DIAPH3: variants seen among roughly 807,000 people sequenced by gnomAD.
DIAPH3 encodes protein diaphanous homolog 3.
Under a neutral mutation model 144.3 loss-of-function variants are expected in DIAPH3, and 117 were observed. The observed-to-expected ratio is 0.81, with a 90% CI of 0.70 to 0.95. The LOEUF is 0.95. Ranked by LOEUF, DIAPH3 falls within the 40% of genes least tolerant of loss-of-function variation. The pLI is 0.00. For missense variants in DIAPH3, 1,421 were observed against 1,412.7 expected (o/e 1.01, Z -0.09); for synonymous variants, 519 against 488.9 (o/e 1.06, Z -0.81).
chr13:60,131,175 T>C (rs2059127724), intron 2 of DIAPH3, among the ~76,000 whole-genome samples: 1 of 151,930 alleles, frequency 6.6e-6, no homozygotes, highest in Admixed American at 6.6e-5. Flanking sequence ...ACATCTACAA[T>C]CCCAAAACTT....
intron 13 of DIAPH3, among the ~76,000 whole-genome samples, chr13:59,983,110 TACA>T (rs1371908344): frequency 1.7e-5 from 2 of 120,630 alleles, no homozygotes; most frequent in African/African-American, 6.6e-5. Context: ...ACTCAAATGT[TACA>T]ACACTAAATA....
intron 27 of DIAPH3, among the ~76,000 whole-genome samples, chr13:59,742,632 A>C (rs568815529): frequency 6.6e-6 from 1 of 151,940 alleles, no homozygotes; most frequent in South Asian, 2.1e-4. Flanking sequence ...AAAAAAGAGA[A>C]AGGAAAGAAG....
chr13:59,886,251 T>G (rs2045441986), intron 20 of DIAPH3, among the ~76,000 whole-genome samples: 1 of 149,892 alleles, frequency 6.7e-6, no homozygotes, highest in African/African-American at 2.4e-5. Context: ...GTCCCTAAGA[T>G]GTATAGACTT....
At chr13:59,759,317 A>G (rs1453309543) in intron 27 of DIAPH3, among the ~76,000 whole-genome samples, 2 of 152,156 alleles carry the variant, frequency 1.3e-5, no homozygotes, top group Admixed American at 6.5e-5. Flanking sequence ...CACAGAAACT[A>G]CCACAAGGAG....
intron 1 of DIAPH3, among the ~76,000 whole-genome samples, chr13:60,148,906 C>A (rs1235459516): frequency 2.0e-5 from 3 of 152,198 alleles, no homozygotes; most frequent in Non-Finnish European, 4.4e-5. Context: ...CCATACCAGA[C>A]TGAATATAAA....
intron 27 of DIAPH3, among the ~76,000 whole-genome samples, chr13:59,721,944 G>T (rs1341512846): frequency 1.3e-5 from 2 of 152,296 alleles, no homozygotes; most frequent in African/African-American, 2.4e-5. Flanking sequence ...GAGTGGTACT[G>T]GCTGCTTGTG....
At chr13:59,899,089 C>G (rs925742706) in intron 20 of DIAPH3, among the ~76,000 whole-genome samples, 1 of 152,172 alleles carries the variant, frequency 6.6e-6, no homozygotes, top group African/African-American at 2.4e-5. Context: ...GACTCTTGGA[C>G]TGCACCAGAG....
chr13:59,899,483 C>G (rs941469718), intron 20 of DIAPH3, among the ~76,000 whole-genome samples: 2 of 152,124 alleles, frequency 1.3e-5, no homozygotes, highest in Non-Finnish European at 2.9e-5. Flanking sequence ...GTGAGAAATT[C>G]TCAAGAATGT....
chr13:60,009,555 C>T (rs2053110904), intron 8 of DIAPH3, among the ~76,000 whole-genome samples: 1 of 152,212 alleles, frequency 6.6e-6, no homozygotes, highest in Non-Finnish European at 1.5e-5. Flanking sequence ...TAGATTTGTA[C>T]ACCAACATTT....
intron 4 of DIAPH3, among the ~76,000 whole-genome samples, chr13:60,051,836 GA>G: frequency 6.6e-6 from 1 of 152,248 alleles, no homozygotes; most frequent in African/African-American, 2.4e-5. Flanking sequence ...CATTCTCAGT[GA>G]AAAAAGCAGC....
intron 3 of DIAPH3, among the ~76,000 whole-genome samples, chr13:60,094,307 T>C (rs939366101): frequency 3.9e-5 from 6 of 152,190 alleles, no homozygotes; most frequent in Non-Finnish European, 8.8e-5. Flanking sequence ...GTTGTACTTA[T>C]AAAAACAGCT....
At chr13:59,871,696 CAT>C (rs1385930624) in intron 21 of DIAPH3, among the ~76,000 whole-genome samples, 4 of 152,256 alleles carry the variant, frequency 2.6e-5, no homozygotes, top group East Asian at 1.9e-4. Context: ...TTCTTCCTTA[CAT>C]GTTTGATAGA....
At chr13:59,995,434 C>G (rs2086347048) in intron 9 of DIAPH3, among the ~76,000 whole-genome samples, 1 of 152,022 alleles carries the variant, frequency 6.6e-6, no homozygotes. Context: ...CTTCCATCTT[C>G]TTGAGAGCAT....
At chr13:59,727,660 T>C (rs1179093557) in intron 27 of DIAPH3, among the ~76,000 whole-genome samples, 1 of 152,116 alleles carries the variant, frequency 6.6e-6, no homozygotes, top group East Asian at 1.9e-4. Context: ...CTATCTAGAG[T>C]AGGAGCTATA....
chr13:59,815,549 T>C (rs2139593909), intron 24 of DIAPH3, among the ~76,000 whole-genome samples: 1 of 152,260 alleles, frequency 6.6e-6, no homozygotes, highest in East Asian at 1.9e-4. Context: ...CTCTATACAT[T>C]TCTTTTGCTA....
chr13:60,120,280 G>A (rs2058813786), intron 2 of DIAPH3, among the ~76,000 whole-genome samples: 1 of 152,184 alleles, frequency 6.6e-6, no homozygotes, highest in Admixed American at 6.5e-5. Flanking sequence ...TCACTGTGGA[G>A]AGAAAAACCA....
intron 4 of DIAPH3, among the ~76,000 whole-genome samples, chr13:60,065,245 TA>T: frequency 7.9e-6 from 1 of 126,004 alleles, no homozygotes; most frequent in East Asian, 2.1e-4. Flanking sequence ...CACAGTCCTT[TA>T]ATTTATTAAA....
At chr13:60,043,654 T>G (rs1594487814) in intron 4 of DIAPH3, among the ~76,000 whole-genome samples, 1 of 151,972 alleles carries the variant, frequency 6.6e-6, no homozygotes, top group East Asian at 1.9e-4. Flanking sequence ...AGAGTTAGAG[T>G]TCACTCATTA....
chr13:59,967,627 C>T (rs1399888647), intron 17 of DIAPH3, among the ~76,000 whole-genome samples: 1 of 152,084 alleles, frequency 6.6e-6, no homozygotes, highest in East Asian at 1.9e-4. Flanking sequence ...AATGACTGGC[C>T]TTTCCTATAA....
Sources: allele counts gnomAD v4.1 joint callset (sites outside exome capture counted in the v4.1 genomes callset), GRCh38; gene constraint gnomAD v4.1.1; transcripts MANE v1.5; gene names NCBI Gene and HGNC (gene_info 2026-07-23, HGNC 2026-07-21).